The following ATP7B variants were observed in gnomAD, a reference collection of about 807,000 sequenced individuals.
ATP7B encodes copper-transporting ATPase 2.
In ATP7B, 113 loss-of-function variants were observed where a neutral mutation model predicts 118.9. The ratio of observed to expected loss-of-function variants is 0.95; its 90% CI spans 0.82 to 1.11. The LOEUF (loss-of-function observed/expected upper bound fraction) is 1.11. Ranked by LOEUF, ATP7B falls within the 50% of genes most tolerant of loss-of-function variation. The probability of loss-of-function intolerance (pLI) is 0.00; values close to 1 mark genes in which losing one functional copy is unlikely to be tolerated. For missense variants in ATP7B, 1,867 were observed against 1,871.4 expected (o/e 1.00, Z 0.04); for synonymous variants, 777 against 727.4 (o/e 1.07, Z -1.10).
intron 1 of ATP7B, among the ~76,000 whole-genome samples, chr13:52,000,455 G>C (rs868313455): frequency 2.0e-4 from 30 of 152,232 alleles, no homozygotes; most frequent in Middle Eastern, 3.4e-3. Flanking sequence ...ACCACCTTGG[G>C]GGTTAGGTTC....
Position 51,974,327 on chromosome 13 carries a change from T to C in ATP7B, c.893A>G (p.Gln298Arg). 2.5e-6 allele frequency: 4 copies of C among 1,614,116 alleles called. No homozygotes were observed. The highest frequency in any genetic ancestry group is 4.5e-5 in the East Asian group (2 of 44,878). ...IQVSLENKTA[Q>R]VKYDPSCTSP... ...GGTACAAGAAGGGTCATACTTTACT[T>C]GGGCAGTTTTGTTCTCCAAGGACAC... The change falls in exon 2 of 21, where the codon CAA becomes CGA. Residue 298 changes from glutamine (Q) to arginine (R), a missense_variant. Coordinates refer to ENST00000242839, the MANE Select transcript of ATP7B (RefSeq NM_000053.4).
chr13:52,011,325 C>G lies in ATP7B; in HGVS notation c.13G>C (p.Glu5Gln), dbSNP rs757341859. Residue 5 changes from glutamate to glutamine, a missense_variant, in exon 1 of 21, where the codon GAG (glutamate) becomes CAG (glutamine). Physicochemically the swap from Glu to Gln is conservative, Grantham distance 29 (BLOSUM62 2). Coordinates refer to ENST00000242839, the MANE Select transcript of ATP7B (RefSeq NM_000053.4). MPEQ[E>Q]RQITAREGAS... Reference sequence around the variant, plus strand: ...CCTTCTCTGGCTGTGATCTGTCTCTCCTGCTCAGGCATCGTCCCGCACGGA... The same window carrying G: ...CCTTCTCTGGCTGTGATCTGTCTCTGCTGCTCAGGCATCGTCCCGCACGGA... 5.0e-6 allele frequency: 8 copies of G among 1,614,128 alleles called. No individual in the cohort carries two copies. The African/African-American group carries it at 1.1e-4, about 22-fold the overall frequency.
At chr13:51,996,127 G>A (rs563004952) in intron 1 of ATP7B, among the ~76,000 whole-genome samples, 2 of 152,322 alleles carry the variant, frequency 1.3e-5, no homozygotes, top group Admixed American at 6.5e-5. Context: ...AACATGACTT[G>A]TATTTTCAAG....
chr13:51,948,776 T>C (rs183826982), intron 12 of ATP7B, among the ~76,000 whole-genome samples: 1 of 152,254 alleles, frequency 6.6e-6, no homozygotes, highest in Non-Finnish European at 1.5e-5. Flanking sequence ...TTCTGAGGTT[T>C]AATAAAACCA....
intron 15 of ATP7B, 130 bp from the exon 16 acceptor site, chr13:51,941,354 T>C (rs1218385011): frequency 8.9e-7 from 1 of 1,128,188 alleles, no homozygotes; most frequent in Non-Finnish European, 1.3e-6. Flanking sequence ...AAGCACCTCT[T>C]GTGACAGCAT....
chr13:51,951,605 C>G (rs1183706090), intron 9 of ATP7B, among the ~76,000 whole-genome samples: 1 of 151,988 alleles, frequency 6.6e-6, no homozygotes, highest in Non-Finnish European at 1.5e-5. Flanking sequence ...AGAAGGGGTC[C>G]TAGAACTCAT....
chr13:51,975,512 C>A lies in ATP7B; in HGVS notation c.52-344G>T, dbSNP rs368390207. The A allele has an allele frequency of 2.1e-5, 11 of 531,276 alleles. No individual in the cohort carries two copies. In the African/African-American group the frequency reaches 2.1e-4, roughly 10 times the overall value. 32.9% of individuals were successfully genotyped at this position (531,276 alleles called of 1,614,324 possible). ...CCTGCAGCAGAGGCAGAGGGCACAG[C>A]GGCTCACGGTGGGAAGGCACAGGTA... On this transcript the variant is annotated intron_variant, in intron 1 of 20. Coordinates refer to ENST00000242839, the MANE Select transcript of ATP7B (RefSeq NM_000053.4).
At chr13:51,967,210 A>T in intron 4 of ATP7B, 1 of 1,161,788 alleles carries the variant, frequency 8.6e-7, no homozygotes. Flanking sequence ...CAGTTCAATG[A>T]GCAAATCTCC....
intron 1 of ATP7B, among the ~76,000 whole-genome samples, chr13:51,994,285 T>A (rs902393269): frequency 6.6e-6 from 1 of 152,314 alleles, no homozygotes; most frequent in Middle Eastern, 3.4e-3. Flanking sequence ...TTTATAAAAC[T>A]ACTTTAGAAA....
At chr13:51,993,807 G>A (rs1953060815) in intron 1 of ATP7B, among the ~76,000 whole-genome samples, 1 of 152,176 alleles carries the variant, frequency 6.6e-6, no homozygotes, top group Non-Finnish European at 1.5e-5. Flanking sequence ...ACTTTGCAAT[G>A]AAGAATCTAA....
chr13:52,008,480 G>C (rs1433507263), intron 1 of ATP7B, among the ~76,000 whole-genome samples: 1 of 152,178 alleles, frequency 6.6e-6, no homozygotes, highest in Admixed American at 6.5e-5. Flanking sequence ...CACATGGTTG[G>C]TTCTTCTGGC....
intron 1 of ATP7B, among the ~76,000 whole-genome samples, chr13:51,986,915 A>G (rs1213646834): frequency 3.9e-5 from 6 of 152,216 alleles, no homozygotes. Flanking sequence ...GATGGGATGT[A>G]TCTCAAAATA....
At chr13:51,992,609 A>G (rs1199018908) in intron 1 of ATP7B, among the ~76,000 whole-genome samples, 3 of 152,184 alleles carry the variant, frequency 2.0e-5, no homozygotes, top group African/African-American at 7.2e-5. Flanking sequence ...AGCTACTGCA[A>G]ATTTCTTCTA....
intron 1 of ATP7B, among the ~76,000 whole-genome samples, chr13:52,008,921 C>G (rs532406429): frequency 6.6e-6 from 1 of 152,224 alleles, no homozygotes; most frequent in South Asian, 2.1e-4. Flanking sequence ...ATCACTCAGG[C>G]TGAAGTGCAG....
chr13:51,989,471 C>G (rs547884016), intron 1 of ATP7B, among the ~76,000 whole-genome samples: 1 of 151,538 alleles, frequency 6.6e-6, no homozygotes, highest in Non-Finnish European at 1.5e-5. Flanking sequence ...CTCTCAACCA[C>G]AGCAAGGGAA....
intron 9 of ATP7B, among the ~76,000 whole-genome samples, chr13:51,950,803 C>G (rs941669524): frequency 6.6e-6 from 1 of 152,100 alleles, no homozygotes; most frequent in African/African-American, 2.4e-5. Context: ...AAGCTGAGAC[C>G]TGCATGCCAA....
At chr13:51,940,999 T>C (rs1957296457) in intron 16 of ATP7B, 82 bp downstream of exon 16, 1 of 1,585,064 alleles carries the variant, frequency 6.3e-7, no homozygotes, top group East Asian at 2.2e-5. Context: ...TCTTTTCTTT[T>C]ATAAAGGAGG....
chr13:51,992,739 T>C (rs1175734638), intron 1 of ATP7B, among the ~76,000 whole-genome samples: 3 of 151,944 alleles, frequency 2.0e-5, no homozygotes, highest in Admixed American at 2.0e-4. Flanking sequence ...GCACTTTGGA[T>C]GGCTGAGGTG....
intron 6 of ATP7B, among the ~76,000 whole-genome samples, chr13:51,960,556 C>G (rs1268954230): frequency 6.6e-6 from 1 of 152,166 alleles, no homozygotes; most frequent in Non-Finnish European, 1.5e-5. Context: ...TGAGGCCCAG[C>G]CCCTGCCTTC....
Sources: gnomAD v4.1 joint callset for allele counts (sites outside exome capture counted in the v4.1 genomes callset) on GRCh38, gnomAD v4.1.1 for gene constraint, MANE v1.5 for transcripts, NCBI Gene and HGNC (gene_info 2026-07-23, HGNC 2026-07-21) for gene names.